PDE4D: variants seen among roughly 807,000 people sequenced by gnomAD.
PDE4D encodes the protein phosphodiesterase 4D.
Under a neutral mutation model 87.4 loss-of-function variants are expected in PDE4D, and 24 were observed. The ratio of observed to expected loss-of-function variants is 0.27; its 90% confidence interval spans 0.20 to 0.39. The LOEUF is 0.39. Ranked by LOEUF, PDE4D falls within the 10% of genes least tolerant of loss-of-function variation. PDE4D has a pLI of 1.00. For missense variants in PDE4D, 714 were observed against 1,041.0 expected (o/e 0.69, Z 4.32); for synonymous variants, 384 against 383.2 (o/e 1.00, Z -0.02).
At chr5:60,298,639 A>AT (rs1346079565) in intron 1 of PDE4D, among the ~76,000 whole-genome samples, 2 of 151,968 alleles carry the variant, frequency 1.3e-5, no homozygotes, top group African/African-American at 4.8e-5. Flanking sequence ...CTCTCCTATC[A>AT]TTTTTTTCTC....
chr5:59,264,723 T>C (rs1472314457), intron 1 of PDE4D, among the ~76,000 whole-genome samples: 4 of 152,040 alleles, frequency 2.6e-5, no homozygotes, highest in Non-Finnish European at 4.4e-5. Flanking sequence ...CAGTTTGTTT[T>C]GTTTTGTTTT....
chr5:60,189,586 T>A (rs1188141982), intron 1 of PDE4D, among the ~76,000 whole-genome samples: 1 of 152,178 alleles, frequency 6.6e-6, no homozygotes, highest in African/African-American at 2.4e-5. Flanking sequence ...CATAATGACA[T>A]CCTTAAATAT....
chr5:60,363,915 G>A (rs1195199275), intron 1 of PDE4D, among the ~76,000 whole-genome samples: 1 of 152,210 alleles, frequency 6.6e-6, no homozygotes, highest in East Asian at 1.9e-4. Flanking sequence ...TCAAGATCTT[G>A]TAGCTCAAGA....
intron 2 of PDE4D, among the ~76,000 whole-genome samples, chr5:59,197,396 G>T (rs1443467068): frequency 6.6e-6 from 1 of 152,042 alleles, no homozygotes; most frequent in Non-Finnish European, 1.5e-5. Flanking sequence ...AATATCTCAA[G>T]ATGGTCTCAT....
At chr5:60,178,670 A>C (rs1298842994) in intron 2 of PDE4D, among the ~76,000 whole-genome samples, 1 of 152,190 alleles carries the variant, frequency 6.6e-6, no homozygotes, top group Non-Finnish European at 1.5e-5. Context: ...ACATACAATA[A>C]GCAGAGATGA....
intron 1 of PDE4D, among the ~76,000 whole-genome samples, chr5:59,487,452 AC>A (rs1296904043): frequency 1.3e-5 from 2 of 152,206 alleles, no homozygotes; most frequent in Non-Finnish European, 2.9e-5. Context: ...AACCAGACTC[AC>A]AGCACAAGGG....
intron 1 of PDE4D, among the ~76,000 whole-genome samples, chr5:59,463,781 T>C (rs1801124461): frequency 6.6e-6 from 1 of 152,190 alleles, no homozygotes; most frequent in Non-Finnish European, 1.5e-5. Context: ...TTAAAAGATC[T>C]CGGGTGTGGG....
chr5:59,839,047 G>A (rs1438230440), intron 1 of PDE4D, among the ~76,000 whole-genome samples: 2 of 151,928 alleles, frequency 1.3e-5, no homozygotes, highest in Non-Finnish European at 2.9e-5. Flanking sequence ...TATTGGGGAG[G>A]AGAGCCCTCA....
intron 1 of PDE4D, among the ~76,000 whole-genome samples, chr5:59,609,277 G>A (rs1291475340): frequency 6.6e-6 from 1 of 151,838 alleles, no homozygotes; most frequent in African/African-American, 2.4e-5. Context: ...TGGCAAGATT[G>A]CACTTTCTTG....
At chr5:59,285,192 C>A (rs190704860) in intron 1 of PDE4D, among the ~76,000 whole-genome samples, 1 of 104,962 alleles carries the variant, frequency 9.5e-6, no homozygotes, top group Non-Finnish European at 1.9e-5. Context: ...TGCACATGTA[C>A]CCTAAAACTT....
chr5:60,093,237 A>G (rs1775323576), intron 2 of PDE4D, among the ~76,000 whole-genome samples: 1 of 152,164 alleles, frequency 6.6e-6, no homozygotes, highest in Non-Finnish European at 1.5e-5. Flanking sequence ...CACGATTTAG[A>G]TCCCCTGCTT....
At chr5:59,682,870 A>G (rs1007472592) in intron 1 of PDE4D, among the ~76,000 whole-genome samples, 1 of 152,212 alleles carries the variant, frequency 6.6e-6, no homozygotes. Flanking sequence ...TTGGCATGTA[A>G]TTCTCCAAAA....
chr5:59,503,220 C>A (rs902291258), intron 1 of PDE4D, among the ~76,000 whole-genome samples: 2 of 152,086 alleles, frequency 1.3e-5, no homozygotes, highest in Admixed American at 1.3e-4. Flanking sequence ...GATAAAAGTT[C>A]AGGAGGTCCA....
chr5:59,210,182 G>C (rs1749773618), intron 2 of PDE4D, among the ~76,000 whole-genome samples: 1 of 152,194 alleles, frequency 6.6e-6, no homozygotes, highest in African/African-American at 2.4e-5. Flanking sequence ...TGCAATCTAG[G>C]TAAGAGATGA....
At chr5:59,460,056 T>A (rs77148681) in intron 1 of PDE4D, among the ~76,000 whole-genome samples, 3,049 of 152,008 alleles carry the variant, frequency 0.02, 104 homozygotes, top group African/African-American at 0.071. Flanking sequence ...AAAAATGATG[T>A]CCATATGGAA....
intron 1 of PDE4D, among the ~76,000 whole-genome samples, chr5:60,220,874 A>G (rs1427624238): frequency 6.6e-6 from 1 of 152,136 alleles, no homozygotes; most frequent in Non-Finnish European, 1.5e-5. Context: ...AAATGTGTAT[A>G]ATAATTTAAA....
At chr5:59,987,535 C>A (rs942703741) in intron 3 of PDE4D, 17 of 152,200 alleles carry the variant, frequency 1.1e-4, no homozygotes, top group African/African-American at 3.9e-4. Flanking sequence ...CAAATTTCCT[C>A]TGAGCACAAC....
chr5:59,002,638 G>T (rs886368623), intron 6 of PDE4D, among the ~76,000 whole-genome samples: 9 of 152,112 alleles, frequency 5.9e-5, no homozygotes, highest in African/African-American at 2.2e-4. Flanking sequence ...AGCCACCCCA[G>T]CCCAGAGCCA....
chr5:60,242,293 G>T (rs1747219061), intron 1 of PDE4D, among the ~76,000 whole-genome samples: 1 of 151,982 alleles, frequency 6.6e-6, no homozygotes, highest in South Asian at 2.1e-4. Context: ...ATTATAAATA[G>T]GTGTAACCAA....
Sources: gnomAD v4.1 joint callset for allele counts (sites outside exome capture counted in the v4.1 genomes callset) on GRCh38, gnomAD v4.1.1 for gene constraint, MANE v1.5 for transcripts, NCBI Gene and HGNC (gene_info 2026-07-23, HGNC 2026-07-21) for gene names.